Variants in STPG1 observed in about 807,000 individuals in gnomAD.
STPG1 encodes sperm tail PG-rich repeat containing 1.
A neutral mutation model predicts 40.1 loss-of-function variants in STPG1; 33 were observed. That is an observed-to-expected ratio of 0.82 (90% CI 0.62 to 1.10). The LOEUF is 1.10. Among genes scored for constraint, STPG1 ranks in the 50% least tolerant of loss-of-function variants. The pLI is 0.00. For synonymous variants in STPG1, 150 were observed against 155.0 expected (o/e 0.97, Z 0.24); for missense variants, 396 against 415.1 (o/e 0.95, Z 0.40).
chr1:24,410,609 AAAAC>A (rs928710129), intron 1 of STPG1: 14 of 153,370 alleles, frequency 9.1e-5, no homozygotes, highest in South Asian at 8.1e-4. Context: ...ACTCCGTCTC[AAAAC>A]AAACAAACAA....
chr1:24,379,679 C>A lies in STPG1; in HGVS notation c.436G>T (p.Glu146Ter). ...LPSFMKALKF[E>*]TPAPNYYNAS... Reference sequence around the variant, plus strand: ...TTGTAATAGTTTGGTGCAGGAGTTTCAAACTTGAGAGCTTTCATAAAGCTT... The same window carrying A: ...TTGTAATAGTTTGGTGCAGGAGTTTAAAACTTGAGAGCTTTCATAAAGCTT... Residue 146 changes from glutamate (E) to a stop codon, truncating the protein, a stop_gained, in exon 5 of 9, where the codon GAA (glutamate) becomes TAA (stop). Transcript: ENST00000337248. LOFTEE classifies it high-confidence loss of function. The A allele has an allele frequency of 6.2e-7, 1 of 1,614,196 alleles. No homozygotes were observed. The highest frequency in any genetic ancestry group is 1.1e-5 in the South Asian group (1 of 91,090).
chr1:24,401,031 T>G, intron 2 of STPG1: 1 of 328,936 alleles, frequency 3.0e-6, no homozygotes, highest in Non-Finnish European at 5.6e-6. Flanking sequence ...CATATCTAAA[T>G]TTGAGGATAG....
At chr1:24,370,000 A>T (rs1641660880) in intron 6 of STPG1, among the ~76,000 whole-genome samples, 161 bp from the exon 7 acceptor site, 2 of 152,184 alleles carry the variant, frequency 1.3e-5, no homozygotes, top group Admixed American at 6.5e-5. Context: ...AATCCTCACC[A>T]TGCAGAGAAC....
chr1:24,381,696 T>A (rs1642291487), intron 4 of STPG1, among the ~76,000 whole-genome samples: 1 of 152,200 alleles, frequency 6.6e-6, no homozygotes, highest in Non-Finnish European at 1.5e-5. Flanking sequence ...TTTCTAAAAT[T>A]TATAGACCCA....
chr1:24,383,727 T>G (rs1642384596), intron 4 of STPG1, 175 bp downstream of exon 4: 4 of 530,362 alleles, frequency 7.5e-6, no homozygotes. Context: ...GGGAAAAAGT[T>G]ACTTAGAGAC....
chr1:24,387,500 G>A (rs1642566076), intron 3 of STPG1, among the ~76,000 whole-genome samples: 1 of 152,160 alleles, frequency 6.6e-6, no homozygotes. Flanking sequence ...TCCACCTCGG[G>A]AAGATGCTGG....
intron 6 of STPG1, among the ~76,000 whole-genome samples, 197 bp from the exon 7 acceptor site, chr1:24,370,036 G>A (rs1569999291): frequency 6.6e-6 from 1 of 152,292 alleles, no homozygotes; most frequent in Non-Finnish European, 1.5e-5. Flanking sequence ...CACACACTTA[G>A]CTGATTTAGT....
At chr1:24,389,270 G>C (rs1342644922) in intron 3 of STPG1, among the ~76,000 whole-genome samples, 1 of 152,134 alleles carries the variant, frequency 6.6e-6, no homozygotes, top group African/African-American at 2.4e-5. Context: ...AGATCACGGG[G>C]AATGGGGCCC....
In STPG1 at chr1:24,373,699, T is replaced by C. The variant is rs1003998879; in HGVS notation, c.571+3A>G. The C allele has an allele frequency of 1.9e-6, 3 of 1,603,088 alleles. No homozygotes were observed. Among genetic ancestry groups the C allele is most frequent in the East Asian group, 2.2e-5 (1 of 44,628 alleles). ...TCAAGGCCAGTGCAAAGCAGCTGCTTACCTGGGGGAGGTCCTTTATCAGCA... is the reference window on the plus strand; with the variant it reads ...TCAAGGCCAGTGCAAAGCAGCTGCTCACCTGGGGGAGGTCCTTTATCAGCA... On this transcript the variant is annotated splice_donor_region_variant and intron_variant, in intron 6 of 8. Transcript: ENST00000337248.
intron 7 of STPG1, chr1:24,364,580 T>C: frequency 1.2e-6 from 1 of 825,124 alleles, no homozygotes; most frequent in Non-Finnish European, 1.6e-6. Context: ...CGGGAACATT[T>C]GCTGAAGTGC....
At chr1:24,382,105 A>G (rs1319083811) in intron 4 of STPG1, among the ~76,000 whole-genome samples, 1 of 152,222 alleles carries the variant, frequency 6.6e-6, no homozygotes, top group Non-Finnish European at 1.5e-5. Context: ...AAAGGCCTGA[A>G]AGGCGTGGCT....
At chr1:24,366,502 A>G (rs1266263631) in intron 7 of STPG1, among the ~76,000 whole-genome samples, 1 of 152,214 alleles carries the variant, frequency 6.6e-6, no homozygotes, top group African/African-American at 2.4e-5. Context: ...TTCATCGGGA[A>G]CAGATAAATG....
chr1:24,386,625 A>C (rs1642516928), intron 3 of STPG1, among the ~76,000 whole-genome samples: 1 of 152,192 alleles, frequency 6.6e-6, no homozygotes, highest in Non-Finnish European at 1.5e-5. Flanking sequence ...TCTGGGAGGG[A>C]AATGTCAAGC....
chr1:24,360,819 G>A, intron 8 of STPG1, 32 bp downstream of exon 8: 2 of 1,560,072 alleles, frequency 1.3e-6, no homozygotes, highest in South Asian at 1.2e-5. Context: ...AGAAGATTTG[G>A]TTTTTACAAT....
rs1643145815 is a variant in STPG1, at chr1:24,399,735, C to T, written c.70+1584G>A. On this transcript the variant is annotated intron_variant, in intron 2 of 8. Coordinates refer to ENST00000337248, the MANE Select transcript of STPG1 (RefSeq NM_001199013.2). The surrounding 1 kb of genome is among the most constrained non-coding windows in gnomAD (Gnocchi z 4.0). Reference sequence around the variant, plus strand: ...TAAATAAAAAAAAGAAAAGACAAGACAAGACCCAGCAGAAGAAAATGGGCA... The same window carrying T: ...TAAATAAAAAAAAGAAAAGACAAGATAAGACCCAGCAGAAGAAAATGGGCA... 6.6e-6 allele frequency among the ~76,000 whole-genome samples: 1 copy of T among 152,048 alleles called. No homozygotes were observed.
At chr1:24,370,082 T>G (rs574854941) in intron 6 of STPG1, among the ~76,000 whole-genome samples, 1 of 152,240 alleles carries the variant, frequency 6.6e-6, no homozygotes, top group East Asian at 1.9e-4. Context: ...TATTACTGCT[T>G]TCATTCTACA....
In STPG1 at chr1:24,369,651, A is replaced by G. The variant is rs531301743; in HGVS notation, c.737+23T>C. 8 of 1,562,378 alleles carry G rather than the reference A, an allele frequency of 5.1e-6. No individual in the cohort carries two copies. In the African/African-American group the frequency reaches 1.1e-4, roughly 21 times the overall value. ...TCCCCACAACCACCTTTCAAAAGAA[A>G]GACCAGAATGATTGGGACTCACGGG... On this transcript the variant is annotated intron_variant, in intron 7 of 8. Coordinates refer to ENST00000337248, the MANE Select transcript of STPG1 (RefSeq NM_001199013.2).
At chr1:24,375,283 G>A (rs1340940715) in intron 5 of STPG1, among the ~76,000 whole-genome samples, 1 of 152,174 alleles carries the variant, frequency 6.6e-6, no homozygotes, top group Non-Finnish European at 1.5e-5. Context: ...GGAGAACAGA[G>A]GCAATACAAA....
chr1:24,364,041 C>A, intron 7 of STPG1: 2 of 1,251,566 alleles, frequency 1.6e-6, no homozygotes, highest in Non-Finnish European at 1.0e-6. Context: ...CCATGTCCTG[C>A]TGCTTCCGTT....
Sources: allele counts gnomAD v4.1 joint callset (sites outside exome capture counted in the v4.1 genomes callset), GRCh38; gene constraint gnomAD v4.1.1; non-coding constraint Gnocchi (gnomAD v3.1); transcripts MANE v1.5; gene names NCBI Gene and HGNC (gene_info 2026-07-23, HGNC 2026-07-21).